Variants in COL26A1 observed in about 807,000 individuals in gnomAD.
The protein encoded by COL26A1 is collagen alpha-1(XXVI) chain.
A neutral mutation model predicts 59.3 loss-of-function variants in COL26A1; 41 were observed. The observed-to-expected ratio is 0.69, with a 90% CI of 0.54 to 0.90. COL26A1 has a LOEUF of 0.90. Among genes scored for constraint, COL26A1 ranks in the 40% least tolerant of loss-of-function variants. The probability of loss-of-function intolerance (pLI) is 0.00; values close to 1 mark genes in which losing one functional copy is unlikely to be tolerated. For missense variants in COL26A1, 612 were observed against 602.3 expected, an observed-to-expected ratio of 1.02 and a Z score of -0.17; for synonymous variants, 266 against 256.0, an observed-to-expected ratio of 1.04 and a Z score of -0.37.
intron 2 of COL26A1, among the ~76,000 whole-genome samples, chr7:101,446,416 G>A (rs937835259): frequency 6.6e-6 from 1 of 152,202 alleles, no homozygotes; most frequent in Non-Finnish European, 1.5e-5. Flanking sequence ...ACAGCCTCCA[G>A]TTCCATCCAC....
intron 1 of COL26A1, among the ~76,000 whole-genome samples, chr7:101,408,700 T>A (rs1295910704): frequency 6.6e-6 from 1 of 152,230 alleles, no homozygotes; most frequent in East Asian, 1.9e-4. Flanking sequence ...ATCTGAGGCT[T>A]GTCCTCTGGG....
intron 3 of COL26A1, among the ~76,000 whole-genome samples, chr7:101,509,354 G>T (rs546069071): frequency 6.6e-6 from 1 of 152,098 alleles, no homozygotes; most frequent in African/African-American, 2.4e-5. Context: ...GCTGAGGCAG[G>T]AGAATAGCTT....
At chr7:101,387,609 G>T (rs1388893052) in intron 1 of COL26A1, among the ~76,000 whole-genome samples, 1 of 144,478 alleles carries the variant, frequency 6.9e-6, no homozygotes, top group East Asian at 2.0e-4. Context: ...CTGGAGTGCA[G>T]TGTGAAGCAT....
intron 3 of COL26A1, among the ~76,000 whole-genome samples, chr7:101,523,157 C>G (rs1795173402): frequency 6.6e-6 from 1 of 151,988 alleles, no homozygotes; most frequent in Non-Finnish European, 1.5e-5. Context: ...ACAACCTCCG[C>G]CTCCCGGGTT....
Position 101,420,104 on chromosome 7 carries a change from A to T in COL26A1, c.281+5A>T. ...GCCCTGCGCCAACCTCGTAAGGTAA[A>T]GGCCGCTGGGCTAGGCTGCTCTGCC... is the stretch of plus-strand genomic sequence containing the variant. On this transcript the variant is annotated splice_donor_5th_base_variant and intron_variant, in intron 2 of 12. Coordinates refer to ENST00000313669, the MANE Select transcript of COL26A1 (RefSeq NM_001278563.3). 6.2e-7 allele frequency: 1 copy of T among 1,612,558 alleles called. No homozygotes were observed. The highest frequency in any genetic ancestry group is 8.5e-7 in the Non-Finnish European group (1 of 1,179,860).
chr7:101,363,797 G>A (rs1042097379), intron 1 of COL26A1, among the ~76,000 whole-genome samples: 8 of 152,174 alleles, frequency 5.3e-5, no homozygotes, highest in Non-Finnish European at 1.2e-4. Context: ...TGCCCGGGGC[G>A]TTCGGCCGCT....
At chr7:101,455,171 T>G (rs892271856) in intron 3 of COL26A1, among the ~76,000 whole-genome samples, 3 of 150,914 alleles carry the variant, frequency 2.0e-5, no homozygotes, top group African/African-American at 7.3e-5. Flanking sequence ...GCCTCCCAAG[T>G]AGCTGGGACT....
intron 1 of COL26A1, among the ~76,000 whole-genome samples, chr7:101,412,714 G>T (rs922566673): frequency 6.6e-6 from 1 of 151,760 alleles, no homozygotes; most frequent in Non-Finnish European, 1.5e-5. Flanking sequence ...TGCTACTCTG[G>T]GCACACTGCC....
rs768265357 is a variant in COL26A1 at position 101,557,486 on chromosome 7, G to A, written c.1282G>A (p.Asp428Asn). ...DGVLAALLGP[D>N]PGQKSVDQAS... ...GGTCCTTGCTGCCCTGCTTGGGCCC[G>A]ACCCTGGACAGAAGAGCGTGGACCA... The change falls in exon 13 of 13, where the codon GAC becomes AAC. Residue 428 changes from aspartate (D) to asparagine (N), a missense_variant. Transcript: ENST00000313669. 1.5e-5 allele frequency: 24 copies of A among 1,613,556 alleles called. 1 individual carries two copies. The highest frequency in any genetic ancestry group is 1.0e-4 in the Admixed American group (6 of 59,990).
At chr7:101,516,196 A>G (rs1795025234) in intron 3 of COL26A1, among the ~76,000 whole-genome samples, 1 of 152,202 alleles carries the variant, frequency 6.6e-6, no homozygotes. Flanking sequence ...GCTGAGTGAG[A>G]TCATTCTAAG....
intron 3 of COL26A1, among the ~76,000 whole-genome samples, chr7:101,486,950 G>A (rs975757333): frequency 6.6e-6 from 1 of 152,210 alleles, no homozygotes; most frequent in Middle Eastern, 3.2e-3. Context: ...GACAGGCACC[G>A]GGAACCCGGG....
intron 2 of COL26A1, among the ~76,000 whole-genome samples, chr7:101,446,831 A>T (rs1355336108): frequency 6.6e-6 from 1 of 151,360 alleles, no homozygotes; most frequent in African/African-American, 2.4e-5. Flanking sequence ...TGGGCAACAG[A>T]GTGAGACTCT....
At chr7:101,477,658 C>T (rs1437307279) in intron 3 of COL26A1, among the ~76,000 whole-genome samples, 1 of 152,204 alleles carries the variant, frequency 6.6e-6, no homozygotes, top group African/African-American at 2.4e-5. Context: ...GAGATTCCCC[C>T]ATTTTTTCTC....
chr7:101,400,353 A>ATT lies in COL26A1; in HGVS notation c.159-19599_159-19598dup, dbSNP rs574852983. Among the ~76,000 whole-genome samples, 31 of 97,242 alleles carry ATT rather than the reference A, an allele frequency of 3.2e-4. 1 individual carries two copies. Among genetic ancestry groups the ATT allele is most frequent in the East Asian group, 6.2e-4 (2 of 3,234 alleles). 63.8% of individuals were successfully genotyped at this position (97,242 alleles called of 152,430 possible). A position where few individuals can be genotyped will look rare whatever the true frequency, so the allele number is the denominator to read the frequency against. On this transcript the variant is annotated intron_variant, in intron 1 of 12. Coordinates refer to ENST00000313669, the MANE Select transcript of COL26A1 (RefSeq NM_001278563.3). ...CCACACTGCCTTTCTTTTTTTTCCT[A>ATT]TTTTTTTTTTTTTTTTTTTTTTTTT...
At chr7:101,495,702 A>T in intron 3 of COL26A1, among the ~76,000 whole-genome samples, 1 of 148,744 alleles carries the variant, frequency 6.7e-6, no homozygotes, top group East Asian at 2.2e-4. Context: ...TACAGGCATG[A>T]GCCACCGCGC....
At chr7:101,420,557 C>T (rs1792488461) in intron 2 of COL26A1, among the ~76,000 whole-genome samples, 1 of 152,144 alleles carries the variant, frequency 6.6e-6, no homozygotes, top group Admixed American at 6.6e-5. Context: ...CTCACTGGCC[C>T]TACTTGTTAC....
chr7:101,515,160 T>C (rs1157195782), intron 3 of COL26A1, among the ~76,000 whole-genome samples: 4 of 152,208 alleles, frequency 2.6e-5, no homozygotes, highest in Admixed American at 6.5e-5. Context: ...CCCAATTTAG[T>C]AGCCTCACTC....
intron 3 of COL26A1, among the ~76,000 whole-genome samples, chr7:101,458,150 C>G (rs1265838389): frequency 3.9e-5 from 6 of 152,014 alleles, no homozygotes; most frequent in Non-Finnish European, 8.8e-5. Flanking sequence ...CCTGGCTCGG[C>G]CTTCTGAAGT....
rs570477235 is a variant in COL26A1 at position 101,456,809 on chromosome 7, C to T, written c.385+9022C>T. ...GGGATTTTAGGTGTAAGCCACTGTGCCAGGCCCACAGATGTTAAATGTACA... is the reference window on the plus strand; with the variant it reads ...GGGATTTTAGGTGTAAGCCACTGTGTCAGGCCCACAGATGTTAAATGTACA... On this transcript the variant is annotated intron_variant, in intron 3 of 12. Coordinates refer to ENST00000313669, the MANE Select transcript of COL26A1 (RefSeq NM_001278563.3). 2.8e-4 allele frequency among the ~76,000 whole-genome samples: 43 copies of T among 152,264 alleles called. No homozygotes were observed. The South Asian group carries it at 8.5e-3, about 30-fold the overall frequency.
Sources: gnomAD v4.1 joint callset for allele counts (sites outside exome capture counted in the v4.1 genomes callset) on GRCh38, gnomAD v4.1.1 for gene constraint, MANE v1.5 for transcripts, NCBI Gene and HGNC (gene_info 2026-07-23, HGNC 2026-07-21) for gene names.